The following RAB1A variants were observed in gnomAD, a reference collection of about 807,000 sequenced individuals.
The protein encoded by RAB1A is ras-related protein Rab-1A.
RAB1A carries 2 observed loss-of-function variants against 26.0 expected under a neutral mutation model. The observed-to-expected ratio is 0.08, with a 90% CI of 0.03 to 0.24. The LOEUF is 0.24. RAB1A is among the 10% of genes least tolerant of loss of function. The probability of loss-of-function intolerance (pLI) is 1.00; values close to 1 mark genes in which losing one functional copy is unlikely to be tolerated. For missense variants in RAB1A, 100 were observed against 247.0 expected (o/e 0.40, Z 3.99); for synonymous variants, 84 against 84.9 (o/e 0.99, Z 0.06).
In RAB1A at chr2:65,124,090, G is replaced by A. The variant is rs551184669; in HGVS notation, c.23+5803C>T. Among the ~76,000 whole-genome samples, 7 of 151,818 alleles carry A rather than the reference G, an allele frequency of 4.6e-5. No homozygotes were observed. The South Asian group carries it at 1.2e-3, about 27-fold the overall frequency. On this transcript the variant is annotated intron_variant, in intron 1 of 5. Coordinates refer to ENST00000409784, the MANE Select transcript of RAB1A (RefSeq NM_004161.5). ...CAACCTCTTTTTCCCAGATTCAAGC[G>A]ATTCTCTTGTCTCAGCCTCCTCAGT... is the stretch of plus-strand genomic sequence containing the variant.
At chr2:65,109,642 G>A (rs868310106) in intron 1 of RAB1A, among the ~76,000 whole-genome samples, 14 of 151,830 alleles carry the variant, frequency 9.2e-5, no homozygotes, top group Middle Eastern at 3.4e-3. Flanking sequence ...CCCAGGAGGC[G>A]GAGGTTGCAG....
rs538455072 is a variant in RAB1A at position 65,113,651 on chromosome 2, G to A, written c.24-8845C>T. On this transcript the variant is annotated intron_variant, in intron 1 of 5. Transcript: ENST00000409784. ...AGGTAAAATTCTTTTCTTGCCTAAA[G>A]TACAAAGTAGAGGATGAATCAGCTT... Among the ~76,000 whole-genome samples, 3 of 152,346 alleles carry A rather than the reference G, an allele frequency of 2.0e-5. No individual in the cohort carries two copies. The East Asian group carries it at 5.8e-4, about 29-fold the overall frequency.
chr2:65,101,186 A>C (rs1178330154), intron 2 of RAB1A, among the ~76,000 whole-genome samples: 1 of 151,964 alleles, frequency 6.6e-6, no homozygotes, highest in African/African-American at 2.4e-5. Context: ...AATTCTTGTA[A>C]ATCTCTAAAT....
At chr2:65,098,213 A>C (rs906666556) in intron 2 of RAB1A, 147 bp from the exon 3 acceptor site, 2 of 505,480 alleles carry the variant, frequency 4.0e-6, no homozygotes, top group Non-Finnish European at 6.8e-6. Context: ...GAAATGTATA[A>C]AGTATAACAT....
chr2:65,096,556 T>G (rs1444682704), intron 3 of RAB1A, among the ~76,000 whole-genome samples: 1 of 152,232 alleles, frequency 6.6e-6, no homozygotes, highest in Non-Finnish European at 1.5e-5. Context: ...AGTACAGTTT[T>G]GGGTAGATCT....
chr2:65,103,838 G>A (rs1195943190), intron 2 of RAB1A, among the ~76,000 whole-genome samples: 1 of 151,792 alleles, frequency 6.6e-6, no homozygotes, highest in Non-Finnish European at 1.5e-5. Context: ...GAGTGCAGTG[G>A]CACCATCTCA....
At chr2:65,094,297 C>G (rs1329173584) in intron 3 of RAB1A, among the ~76,000 whole-genome samples, 2 of 152,118 alleles carry the variant, frequency 1.3e-5, no homozygotes, top group Non-Finnish European at 2.9e-5. Flanking sequence ...TAAAAACAAG[C>G]AAATCGGCCA....
rs947535161 is a variant in RAB1A, at chr2:65,087,635, T to A, written c.*858A>T. On this transcript the variant is annotated 3_prime_UTR_variant, in exon 6 of 6. Transcript: ENST00000409784. ...GCATACATTCTAAACTTGTTTTACA[T>A]ATAGTTTGAGCTCCCTGAACCACTG... The A allele has an allele frequency of 9.2e-5, 14 of 152,582 alleles. No homozygotes were observed. Among genetic ancestry groups the A allele is most frequent in the Non-Finnish European group, 1.3e-4 (9 of 68,046 alleles). The allele number at this position is 152,582 out of a possible 1,614,324, so 9.5% of individuals were successfully genotyped here.
rs1201745425 is a variant in RAB1A, at chr2:65,103,299, C to CAA, written c.96+1433_96+1434dup. On this transcript the variant is annotated intron_variant, in intron 2 of 5. Coordinates refer to ENST00000409784, the MANE Select transcript of RAB1A (RefSeq NM_004161.5). ...TTGGCAACACAGCCAGAATCTGTCT[C>CAA]AAAAAAAAAAAAAAACATTGTTTTA... Among the ~76,000 whole-genome samples, 7 of 44,102 alleles carry CAA rather than the reference C, an allele frequency of 1.6e-4. 1 individual carries two copies. The highest frequency in any genetic ancestry group is 3.1e-4 in the African/African-American group (4 of 12,940). 28.9% of individuals were successfully genotyped at this position (44,102 alleles called of 152,430 possible).
chr2:65,114,693 A>C (rs904580835), intron 1 of RAB1A, among the ~76,000 whole-genome samples: 1 of 152,000 alleles, frequency 6.6e-6, no homozygotes, highest in Non-Finnish European at 1.5e-5. Context: ...AAAATACAAA[A>C]AATTAGCCGG....
intron 1 of RAB1A, among the ~76,000 whole-genome samples, chr2:65,124,821 T>A (rs1165575884): frequency 6.6e-6 from 1 of 152,128 alleles, no homozygotes; most frequent in Non-Finnish European, 1.5e-5. Flanking sequence ...ATATATATAT[T>A]TTAAAGGTTT....
rs567133381 is a variant in RAB1A at position 65,087,601 on chromosome 2, G to A, written c.*892C>T. ...TTTTAGAGAAGGATCAGAGATAACG[G>A]GCTAGATAGCATACATTCTAAACTT... On this transcript the variant is annotated 3_prime_UTR_variant, in exon 6 of 6. Transcript: ENST00000409784. The A allele has an allele frequency of 1.3e-5, 2 of 152,644 alleles. No homozygotes were observed. Among genetic ancestry groups the A allele is most frequent in the South Asian group, 4.1e-4 (2 of 4,828 alleles). The allele number at this position is 152,644 out of a possible 1,614,324, so 9.5% of individuals were successfully genotyped here.
chr2:65,108,997 C>T (rs1669628403), intron 1 of RAB1A, among the ~76,000 whole-genome samples: 1 of 152,028 alleles, frequency 6.6e-6, no homozygotes, highest in Non-Finnish European at 1.5e-5. Flanking sequence ...AAAATCAAAC[C>T]CACAAACTTC....
intron 3 of RAB1A, among the ~76,000 whole-genome samples, chr2:65,093,832 C>T (rs1248419938): frequency 6.6e-6 from 1 of 152,050 alleles, no homozygotes; most frequent in Non-Finnish European, 1.5e-5. Flanking sequence ...CCATGCTGGC[C>T]AGGCTGGTCA....
chr2:65,098,001 C>G lies in RAB1A; in HGVS notation c.162G>C (p.Glu54Asp). Reference protein sequence around the residue: ...IGVDFKIRTIELDGKTIKLQI... With the variant: ...IGVDFKIRTIDLDGKTIKLQI... ...GAAGCTTGATTGTTTTCCCGTCTAA[C>G]TCTATAGTTCTTATTTTGAAATCCA... is the stretch of plus-strand genomic sequence containing the variant. Residue 54 changes from glutamate to aspartate, a missense_variant, in exon 3 of 6, where the codon GAG (glutamate) becomes GAC (aspartate). Glu to Asp is a conservative substitution (Grantham distance 45, BLOSUM62 2). Coordinates refer to ENST00000409784, the MANE Select transcript of RAB1A (RefSeq NM_004161.5). 6.3e-7 allele frequency: 1 copy of G among 1,580,586 alleles called. No individual in the cohort carries two copies. The highest frequency in any genetic ancestry group is 8.6e-7 in the Non-Finnish European group (1 of 1,160,430).
chr2:65,111,469 G>T (rs536307525), intron 1 of RAB1A, among the ~76,000 whole-genome samples: 1 of 151,936 alleles, frequency 6.6e-6, no homozygotes, highest in East Asian at 1.9e-4. Flanking sequence ...TAACGAAAAA[G>T]AAGGAAAGAC....
intron 4 of RAB1A, among the ~76,000 whole-genome samples, 189 bp from the exon 5 acceptor site, chr2:65,089,259 C>G (rs1017835784): frequency 1.3e-5 from 2 of 152,072 alleles, no homozygotes; most frequent in African/African-American, 4.8e-5. Context: ...GTCACCTAGG[C>G]CGGAGTGCAG....
chr2:65,095,294 C>A (rs1324899507), intron 3 of RAB1A, among the ~76,000 whole-genome samples: 1 of 152,052 alleles, frequency 6.6e-6, no homozygotes, highest in Non-Finnish European at 1.5e-5. Flanking sequence ...CCTTGGCCTC[C>A]CAAAGTGCTA....
intron 1 of RAB1A, among the ~76,000 whole-genome samples, chr2:65,125,818 CCTTT>C (rs1670084160): frequency 6.6e-6 from 1 of 150,656 alleles, no homozygotes; most frequent in Non-Finnish European, 1.5e-5. Flanking sequence ...AAGCTTTAAC[CCTTT>C]CTATCTACTT....
Sources: allele counts gnomAD v4.1 joint callset (sites outside exome capture counted in the v4.1 genomes callset), GRCh38; gene constraint gnomAD v4.1.1; transcripts MANE v1.5; gene names NCBI Gene and HGNC (gene_info 2026-07-23, HGNC 2026-07-21).